Variants in GPR160 observed in about 807,000 individuals in gnomAD.
GPR160 encodes probable G protein-coupled receptor 160.
GPR160 carries 2 observed loss-of-function variants against 2.6 expected under a neutral mutation model. The ratio of observed to expected loss-of-function variants is 0.77; its 90% CI spans 0.32 to 2.44. The LOEUF is 2.44. Among genes scored for constraint, GPR160 ranks in the 30% most tolerant of loss-of-function variants. The pLI, the probability that GPR160 is intolerant of heterozygous loss-of-function variation, is 0.11. For missense variants in GPR160, 351 were observed against 383.6 expected (o/e 0.91, Z 0.71); for synonymous variants, 130 against 132.2 (o/e 0.98, Z 0.12).
Position 170,084,237 on chromosome 3 carries a change from T to A in GPR160, c.265T>A (p.Phe89Ile). The A allele has an allele frequency of 2.5e-6, 4 of 1,607,058 alleles. No individual in the cohort carries two copies. Among genetic ancestry groups the A allele is most frequent in the Non-Finnish European group, 3.4e-6 (4 of 1,175,066 alleles). Residue 89 changes from phenylalanine to isoleucine, a missense_variant, in exon 4 of 4, where the codon TTC (phenylalanine) becomes ATC (isoleucine). Transcript: ENST00000355897. The stretch of plus-strand genomic sequence containing the variant: ...GGATTTTGTACTTTTAAGCATTAGG[T>A]TCACTAAATACCACATCTGCCTATT... The part of the protein sequence containing the change: ...FRDFVLLSIR[F>I]TKYHICLFTQ...
intron 2 of GPR160, among the ~76,000 whole-genome samples, chr3:170,058,630 AAAAATTGGCAATATCTAAC>A (rs1374249895): frequency 6.6e-6 from 1 of 152,236 alleles, no homozygotes; most frequent in African/African-American, 2.4e-5. Context: ...CCTATGAAGG[AAAAATTGGCAATATCTAAC>A]AAAATTATGT....
intron 2 of GPR160, among the ~76,000 whole-genome samples, chr3:170,045,022 T>C (rs1193646672): frequency 6.6e-6 from 1 of 152,224 alleles, no homozygotes; most frequent in African/African-American, 2.4e-5. Flanking sequence ...TGGAGTTTCA[T>C]GACAGTTGAA....
Position 170,042,817 on chromosome 3 carries a change from A to ACT in GPR160, c.-193+3783_-193+3784dup, listed in dbSNP as rs955247125. Among the ~76,000 whole-genome samples the ACT allele has an allele frequency of 2.1e-5, 3 of 139,852 alleles. No individual in the cohort carries two copies. In the South Asian group the frequency reaches 6.7e-4, roughly 31 times the overall value. The allele number at this position is 139,852 out of a possible 152,430, so 91.7% of individuals were successfully genotyped here. On this transcript the variant is annotated intron_variant, in intron 2 of 3. Coordinates refer to ENST00000355897, the MANE Select transcript of GPR160 (RefSeq NM_014373.3). ...ACACCAGCCTGGACGATAGGGCAAG[A>ACT]CTCTCTCTCTTAAAAAAAAAAAAAA... is the stretch of plus-strand genomic sequence containing the variant.
chr3:170,062,656 C>T (rs760100558), intron 2 of GPR160: 28 of 1,435,568 alleles, frequency 2.0e-5, no homozygotes, highest in Non-Finnish European at 2.5e-5. Flanking sequence ...ATGCAGCCAT[C>T]GCCAAGCAAG....
At chr3:170,046,408 G>T (rs9859617) in intron 2 of GPR160, among the ~76,000 whole-genome samples, 1 of 152,176 alleles carries the variant, frequency 6.6e-6, no homozygotes, top group African/African-American at 2.4e-5. Flanking sequence ...ATGAGAGAGC[G>T]GGCTAGTGTT....
rs1345800879 is a variant in GPR160 at position 170,079,736 on chromosome 3, TTAA to T, written c.-192-36_-192-34del. ...TGGACTCTTGCTATTAAGATAGCTC[TTAA>T]TGATGTTTCATTTTGTTTTCTATCT... On this transcript the variant is annotated intron_variant, in intron 2 of 3. Transcript: ENST00000355897. 3 of 152,386 alleles carry T rather than the reference TTAA, an allele frequency of 2.0e-5. No individual in the cohort carries two copies. The East Asian group carries it at 5.8e-4, about 29-fold the overall frequency. The allele number at this position is 152,386 out of a possible 1,614,324, so 9.4% of individuals were successfully genotyped here.
rs757193251 is a variant in GPR160 at position 170,038,791 on chromosome 3, C to T, written c.-321-124C>T. On this transcript the variant is annotated intron_variant, in intron 1 of 3. Transcript: ENST00000355897. This position sits in a 1 kb window ranked among gnomAD's most constrained non-coding sequence, Gnocchi z 5.3. ...AGGGCCTTGCCCGGCTATTTGTTTT[C>T]CGAGGCCGTTGCGTCCGGGTAGGTT... is the stretch of plus-strand genomic sequence containing the variant. The T allele has an allele frequency of 1.3e-5, 2 of 152,156 alleles. No individual in the cohort carries two copies. Among genetic ancestry groups the T allele is most frequent in the Non-Finnish European group, 2.9e-5 (2 of 68,030 alleles). The allele number at this position is 152,156 out of a possible 1,614,324, so 9.4% of individuals were successfully genotyped here. A position where few individuals can be genotyped will look rare whatever the true frequency, so the allele number is the denominator to read the frequency against.
At chr3:170,081,398 G>T (rs765088143) in intron 3 of GPR160, among the ~76,000 whole-genome samples, 1 of 152,174 alleles carries the variant, frequency 6.6e-6, no homozygotes, top group Admixed American at 6.5e-5. Context: ...AGTGTGGGAA[G>T]TACTTGTTTG....
At chr3:170,062,758 G>A in intron 2 of GPR160, 1 of 930,386 alleles carries the variant, frequency 1.1e-6, no homozygotes, top group Non-Finnish European at 1.7e-6. Context: ...GTCCCAAGGA[G>A]CTCCAGGAAG....
At chr3:170,062,702 GA>G in intron 2 of GPR160, 10 of 1,399,246 alleles carry the variant, frequency 7.1e-6, no homozygotes, top group South Asian at 2.4e-5. Context: ...ACAGGCCCCC[GA>G]AAAAAAGCTC....
intron 2 of GPR160, among the ~76,000 whole-genome samples, chr3:170,052,205 C>T (rs967883674): frequency 1.3e-5 from 2 of 152,216 alleles, no homozygotes; most frequent in Admixed American, 6.5e-5. Flanking sequence ...GGATTATAGG[C>T]GTGAGCCTCT....
intron 2 of GPR160, chr3:170,062,742 T>C: frequency 9.0e-7 from 1 of 1,110,520 alleles, no homozygotes; most frequent in Non-Finnish European, 1.4e-6. Flanking sequence ...CACGGATTTC[T>C]ACCCTGTCCC....
intron 2 of GPR160, among the ~76,000 whole-genome samples, chr3:170,065,508 C>T (rs1712278736): frequency 6.6e-6 from 1 of 152,222 alleles, no homozygotes; most frequent in Non-Finnish European, 1.5e-5. Context: ...ATTTCCTGGA[C>T]CGCATGTATT....
At chr3:170,044,663 C>T (rs1716623339) in intron 2 of GPR160, among the ~76,000 whole-genome samples, 1 of 152,114 alleles carries the variant, frequency 6.6e-6, no homozygotes, top group Non-Finnish European at 1.5e-5. Context: ...GGCCTTTAAC[C>T]CTTCCCCTTT....
chr3:170,052,518 G>A (rs150189183), intron 2 of GPR160, among the ~76,000 whole-genome samples: 2 of 152,204 alleles, frequency 1.3e-5, no homozygotes, highest in African/African-American at 4.8e-5. Context: ...TTGGCCATTT[G>A]TACATATTCT....
chr3:170,043,079 C>T (rs554002949), intron 2 of GPR160, among the ~76,000 whole-genome samples: 40 of 151,946 alleles, frequency 2.6e-4, no homozygotes, highest in African/African-American at 8.9e-4. Flanking sequence ...GACGGGGTTT[C>T]GCCATGTTAG....
chr3:170,078,835 AGATC>A (rs1304801060), intron 2 of GPR160, among the ~76,000 whole-genome samples: 4 of 152,230 alleles, frequency 2.6e-5, no homozygotes, highest in African/African-American at 9.6e-5. Context: ...GGGGAGATGT[AGATC>A]AGTCAGAGTG....
At chr3:170,041,766 A>G (rs1716462574) in intron 2 of GPR160, among the ~76,000 whole-genome samples, 1 of 152,178 alleles carries the variant, frequency 6.6e-6, no homozygotes, top group African/African-American at 2.4e-5. Context: ...CTTGGTATGA[A>G]TGAAAGAAGT....
At chr3:170,074,700 C>G (rs1487468990) in intron 2 of GPR160, among the ~76,000 whole-genome samples, 1 of 151,946 alleles carries the variant, frequency 6.6e-6, no homozygotes, top group Non-Finnish European at 1.5e-5. Flanking sequence ...CCAGGCTGGT[C>G]TCAAACTCCT....
Sources: allele counts gnomAD v4.1 joint callset (sites outside exome capture counted in the v4.1 genomes callset), GRCh38; gene constraint gnomAD v4.1.1; non-coding constraint Gnocchi (gnomAD v3.1); transcripts MANE v1.5; gene names NCBI Gene and HGNC (gene_info 2026-07-23, HGNC 2026-07-21).